The following FRMPD4 variants were observed in gnomAD, a reference collection of about 807,000 sequenced individuals.
The protein encoded by FRMPD4 is FERM and PDZ domain containing 4.
A neutral mutation model predicts 94.1 loss-of-function variants in FRMPD4; 22 were observed. That is an observed-to-expected ratio of 0.23 (90% confidence interval 0.17 to 0.33). The LOEUF (loss-of-function observed/expected upper bound fraction) is 0.33. FRMPD4 is among the 10% of genes least tolerant of loss of function. The probability of loss-of-function intolerance (pLI) is 1.00; values close to 1 mark genes in which losing one functional copy is unlikely to be tolerated. For missense variants in FRMPD4, 1,111 were observed against 1,339.9 expected, an observed-to-expected ratio of 0.83 and a Z score of 2.67; for synonymous variants, 631 against 548.6, an observed-to-expected ratio of 1.15 and a Z score of -2.10.
chrX:12,112,780 T>C (rs2055377467), intron 3 of FRMPD4, among the ~76,000 whole-genome samples: 1 of 111,326 alleles, frequency 9.0e-6, no homozygotes, highest in African/African-American at 3.3e-5. Context: ...TTATTCAATA[T>C]CCTTTCCTTC....
chrX:11,912,176 C>A, intron 3 of FRMPD4, among the ~76,000 whole-genome samples: 1 of 112,190 alleles, frequency 8.9e-6, no homozygotes, highest in Non-Finnish European at 1.9e-5. Flanking sequence ...CACTCCCAGC[C>A]TCTTTTCTTT....
intron 1 of FRMPD4, among the ~76,000 whole-genome samples, chrX:12,490,684 G>A (rs949708041): frequency 2.7e-5 from 3 of 111,528 alleles, no homozygotes; most frequent in Non-Finnish European, 5.7e-5. Flanking sequence ...TAAGGAACCT[G>A]GTTAAGCTCA....
chrX:11,862,960 G>GTTTT (rs772255596), intron 1 of FRMPD4, among the ~76,000 whole-genome samples: 6 of 47,653 alleles, frequency 1.3e-4, no homozygotes, highest in Admixed American at 2.9e-4. Context: ...AGGGAACTTG[G>GTTTT]TTTTTTTTTT....
intron 1 of FRMPD4, among the ~76,000 whole-genome samples, chrX:12,313,741 C>A (rs1601808809): frequency 9.0e-6 from 1 of 111,433 alleles, no homozygotes; most frequent in Non-Finnish European, 1.9e-5. Flanking sequence ...TAACCAACTT[C>A]TTTAAATTTC....
At chrX:12,296,624 CCCTTTGCCTTCAT>C (rs1166534716) in intron 1 of FRMPD4, among the ~76,000 whole-genome samples, 3 of 112,149 alleles carry the variant, frequency 2.7e-5, no homozygotes, top group African/African-American at 9.7e-5. Flanking sequence ...AGGTTCATAG[CCCTTTGCCTTCAT>C]CTCTACTTCA....
chrX:12,615,903 A>G (rs1167572471), intron 4 of FRMPD4, among the ~76,000 whole-genome samples: 2 of 111,255 alleles, frequency 1.8e-5, no homozygotes, highest in Non-Finnish European at 3.8e-5. Context: ...GGTCTTTCAG[A>G]GAAAGTTTCT....
At chrX:12,377,786 TG>T (rs2056260169) in intron 1 of FRMPD4, among the ~76,000 whole-genome samples, 1 of 112,482 alleles carries the variant, frequency 8.9e-6, no homozygotes, top group South Asian at 3.7e-4. Flanking sequence ...GGCAGTGAAA[TG>T]TAAGCTAGCC....
In FRMPD4 at chrX:12,475,229, A is replaced by G. The variant is rs184112990; in HGVS notation, c.42-23451A>G. 1.9e-3 allele frequency among the ~76,000 whole-genome samples: 211 copies of G among 112,310 alleles called. 1 individual carries two copies. The highest frequency in any genetic ancestry group is 6.6e-3 in the African/African-American group (203 of 30,981). The stretch of plus-strand genomic sequence containing the variant: ...ACAAAAACCACATGATTATCTCAAT[A>G]GATGCAGAAAAGGCCTTCGACAAAA... On this transcript the variant is annotated intron_variant, in intron 1 of 16. Coordinates refer to ENST00000675598, the MANE Select transcript of FRMPD4 (RefSeq NM_001368397.1).
intron 4 of FRMPD4, among the ~76,000 whole-genome samples, chrX:12,646,873 C>G (rs953792662): frequency 8.9e-6 from 1 of 112,118 alleles, no homozygotes; most frequent in South Asian, 3.7e-4. Context: ...TGTTAATATT[C>G]AAATACATGT....
intron 3 of FRMPD4, among the ~76,000 whole-genome samples, chrX:11,988,676 TG>T (rs1159394349): frequency 2.7e-5 from 3 of 111,627 alleles, no homozygotes; most frequent in Non-Finnish European, 3.8e-5. Context: ...ACCCACAGAA[TG>T]GGAGAAAATA....
intron 1 of FRMPD4, among the ~76,000 whole-genome samples, chrX:12,301,985 T>G (rs182958063): frequency 3.7e-4 from 42 of 112,203 alleles, no homozygotes; most frequent in Non-Finnish European, 3.2e-4. Flanking sequence ...GAGTACTTCT[T>G]GCTTTATGGA....
intron 1 of FRMPD4, among the ~76,000 whole-genome samples, chrX:12,423,244 A>G (rs1429467918): frequency 9.1e-6 from 1 of 110,376 alleles, no homozygotes; most frequent in East Asian, 2.8e-4. Flanking sequence ...GTCTAAAATA[A>G]ATAAATAAAT....
chrX:11,910,292 A>C (rs1057134106), intron 3 of FRMPD4, among the ~76,000 whole-genome samples: 1 of 112,492 alleles, frequency 8.9e-6, no homozygotes. Context: ...TACCAAAATA[A>C]ATAATTTAAG....
At chrX:12,546,864 G>A (rs150020332) in intron 2 of FRMPD4, among the ~76,000 whole-genome samples, 3 of 108,620 alleles carry the variant, frequency 2.8e-5, no homozygotes, top group Admixed American at 1.0e-4. Flanking sequence ...TTAAAACACT[G>A]GTACCAGGCT....
intron 3 of FRMPD4, among the ~76,000 whole-genome samples, chrX:12,110,942 C>T (rs942921338): frequency 8.9e-6 from 1 of 111,797 alleles, no homozygotes; most frequent in Non-Finnish European, 1.9e-5. Context: ...AATGGAAGAA[C>T]ATTCCATGCT....
chrX:12,050,937 GGATA>G (rs1172841127), intron 3 of FRMPD4, among the ~76,000 whole-genome samples: 5 of 111,496 alleles, frequency 4.5e-5, no homozygotes, highest in Non-Finnish European at 9.4e-5. Context: ...AGAGGAGAAT[GGATA>G]GATAAATTGT....
chrX:12,442,913 GTA>G (rs2057155133), intron 1 of FRMPD4, among the ~76,000 whole-genome samples: 1 of 112,008 alleles, frequency 8.9e-6, no homozygotes, highest in South Asian at 3.7e-4. Context: ...AAAGAGTGAC[GTA>G]TTGGTACATG....
At chrX:12,092,872 C>T (rs920879272) in intron 3 of FRMPD4, among the ~76,000 whole-genome samples, 4 of 111,579 alleles carry the variant, frequency 3.6e-5, no homozygotes, top group Non-Finnish European at 5.6e-5. Flanking sequence ...AAAAATAAAT[C>T]AGCAAAGGGA....
chrX:12,498,457 G>A (rs2057876285), intron 1 of FRMPD4: 2 of 417,783 alleles, frequency 4.8e-6, no homozygotes, highest in Non-Finnish European at 8.5e-6. Flanking sequence ...TCTTGGAAAG[G>A]CAGGCACCTA....
Sources: allele counts gnomAD v4.1 joint callset (sites outside exome capture counted in the v4.1 genomes callset), GRCh38; gene constraint gnomAD v4.1.1; transcripts MANE v1.5; gene names NCBI Gene and HGNC (gene_info 2026-07-23, HGNC 2026-07-21).